Variants in TATDN1 observed in about 807,000 individuals in gnomAD.
The protein encoded by TATDN1 is TatD DNase domain containing 1.
In TATDN1, 40 loss-of-function variants were observed where a neutral mutation model predicts 46.4. The observed-to-expected ratio is 0.86, with a 90% CI of 0.67 to 1.12. The LOEUF (loss-of-function observed/expected upper bound fraction) is 1.12. TATDN1 is among the 50% of genes most tolerant of loss of function. The pLI is 0.00. For synonymous variants in TATDN1, 95 were observed against 105.6 expected (o/e 0.90, Z 0.62); for missense variants, 326 against 348.4 (o/e 0.94, Z 0.51).
At chr8:124,492,262 A>G (rs1817073191) in intron 11 of TATDN1, among the ~76,000 whole-genome samples, 1 of 152,210 alleles carries the variant, frequency 6.6e-6, no homozygotes, top group Non-Finnish European at 1.5e-5. Flanking sequence ...GATGTGAGCC[A>G]CCATGCCTGG....
At chr8:124,507,954 T>C (rs1030537412) in intron 8 of TATDN1, among the ~76,000 whole-genome samples, 2 of 152,228 alleles carry the variant, frequency 1.3e-5, no homozygotes, top group East Asian at 1.9e-4. Context: ...TAAATTTACA[T>C]GTCTTTCAAA....
intron 1 of TATDN1, among the ~76,000 whole-genome samples, chr8:124,526,003 T>C (rs1195840591): frequency 6.6e-6 from 1 of 152,234 alleles, no homozygotes; most frequent in Non-Finnish European, 1.5e-5. Context: ...CACTCCCCTT[T>C]GAGCTACATA....
In TATDN1 at chr8:124,508,517, G is replaced by A; in HGVS notation, c.476-3C>T. 2 of 1,612,682 alleles carry A rather than the reference G, an allele frequency of 1.2e-6. No individual in the cohort carries two copies. Among genetic ancestry groups the A allele is most frequent in the African/African-American group, 1.3e-5 (1 of 74,978 alleles). On this transcript the variant is annotated splice_polypyrimidine_tract_variant and splice_region_variant and intron_variant, in intron 7 of 11. Coordinates refer to ENST00000276692, the MANE Select transcript of TATDN1 (RefSeq NM_032026.4). ...ATCTCTATTTCTTTTCATTATGTCT[G>A]TGAATTAAAAACAAAGAACTTTTAG...
chr8:124,495,265 A>C (rs1336377521), intron 10 of TATDN1: 1 of 559,716 alleles, frequency 1.8e-6, no homozygotes, highest in East Asian at 3.1e-5. Context: ...GCTTAGACAT[A>C]GCAAACTTCT....
In TATDN1 at chr8:124,522,944, C is replaced by T. The variant is rs770607373; in HGVS notation, c.81G>A (p.Lys27=). Residue 27 remains lysine, a synonymous_variant, in exon 2 of 12, where the codon AAG becomes AAA. Coordinates refer to ENST00000276692, the MANE Select transcript of TATDN1 (RefSeq NM_032026.4). ...AATAAAGGAAATATTTACCTTGATG[C>T]TTTTGAACCCCCCTATAAATTCCTC... ...MFRGIYRGVQ[K]HQDDLQDVIG... 8.1e-6 allele frequency: 13 copies of T among 1,612,838 alleles called. No individual in the cohort carries two copies. The highest frequency in any genetic ancestry group is 1.1e-5 in the Non-Finnish European group (13 of 1,179,356).
intron 1 of TATDN1, 116 bp downstream of exon 1, chr8:124,538,909 C>T: frequency 8.1e-7 from 1 of 1,228,348 alleles, no homozygotes; most frequent in Non-Finnish European, 1.2e-6. Flanking sequence ...CTCCACTGAG[C>T]GGCCCTTTCA....
chr8:124,519,249 C>G (rs977714488), intron 3 of TATDN1, among the ~76,000 whole-genome samples: 1 of 152,178 alleles, frequency 6.6e-6, no homozygotes, highest in Non-Finnish European at 1.5e-5. Flanking sequence ...CAACAGTTCT[C>G]CAGGTGTAGT....
intron 1 of TATDN1, among the ~76,000 whole-genome samples, chr8:124,536,609 G>GA (rs1177160312): frequency 2.6e-5 from 4 of 152,166 alleles, no homozygotes; most frequent in African/African-American, 9.7e-5. Flanking sequence ...TATGCAAGTA[G>GA]AAAAGAGAGA....
intron 1 of TATDN1, among the ~76,000 whole-genome samples, chr8:124,533,182 G>A (rs1254794859): frequency 3.9e-5 from 6 of 152,012 alleles, no homozygotes; most frequent in Admixed American, 3.9e-4. Flanking sequence ...AATCCGGGAG[G>A]TGGAGCTTGC....
intron 6 of TATDN1, among the ~76,000 whole-genome samples, chr8:124,509,421 C>A (rs1297732790): frequency 6.6e-6 from 1 of 152,200 alleles, no homozygotes; most frequent in Non-Finnish European, 1.5e-5. Flanking sequence ...AAGCTTCCTT[C>A]TGGTCCCGGA....
At chr8:124,524,415 T>C (rs1820307188) in intron 1 of TATDN1, among the ~76,000 whole-genome samples, 1 of 152,130 alleles carries the variant, frequency 6.6e-6, no homozygotes, top group South Asian at 2.1e-4. Flanking sequence ...AGAATTACTA[T>C]CTAGTTTCTT....
chr8:124,493,681 A>G, intron 11 of TATDN1, 152 bp downstream of exon 11: 1 of 795,582 alleles, frequency 1.3e-6, no homozygotes, highest in Non-Finnish European at 1.9e-6. Flanking sequence ...AGGTATGCAA[A>G]TTCCTCCAAA....
At position 124,521,114 on chromosome 8, in the gene TATDN1, A is replaced by C. The variant is rs115127650; in HGVS notation, c.138+1037T>G. On this transcript the variant is annotated intron_variant, in intron 3 of 11. Transcript: ENST00000276692. The stretch of plus-strand genomic sequence containing the variant: ...TTAATTAAGTACTATTATCATTCTC[A>C]TTTTACAGATGAGAAAACTGAAGTC... Among the ~76,000 whole-genome samples, 873 of 152,272 alleles carry C rather than the reference A, an allele frequency of 5.7e-3. 8 individuals carry two copies. The highest frequency in any genetic ancestry group is 0.02 in the African/African-American group (843 of 41,558).
chr8:124,490,434 T>TGGG (rs766750980), intron 11 of TATDN1, among the ~76,000 whole-genome samples: 13 of 152,044 alleles, frequency 8.6e-5, no homozygotes, highest in Non-Finnish European at 1.9e-4. Flanking sequence ...TGCTTGAACC[T>TGGG]GGGAGGTGGA....
At chr8:124,500,384 T>C (rs1166599418) in intron 9 of TATDN1, among the ~76,000 whole-genome samples, 1 of 152,174 alleles carries the variant, frequency 6.6e-6, no homozygotes, top group Non-Finnish European at 1.5e-5. Flanking sequence ...TAAACTAACA[T>C]CCTAATGAAC....
In TATDN1 at chr8:124,495,559, T is replaced by G. The variant is rs573971211; in HGVS notation, c.594-17A>C. The G allele has an allele frequency of 1.3e-6, 2 of 1,574,416 alleles. No homozygotes were observed. The highest frequency in any genetic ancestry group is 1.7e-6 in the Non-Finnish European group (2 of 1,159,006). On this transcript the variant is annotated splice_polypyrimidine_tract_variant and intron_variant, in intron 9 of 11. Coordinates refer to ENST00000276692, the MANE Select transcript of TATDN1 (RefSeq NM_032026.4). ...TTCAGTGAGCTTAAAAAAAAGTGTATATTTATTTTAAAAGGCAGCAATTAA... is the reference window on the plus strand; with the variant it reads ...TTCAGTGAGCTTAAAAAAAAGTGTAGATTTATTTTAAAAGGCAGCAATTAA...
intron 9 of TATDN1, among the ~76,000 whole-genome samples, chr8:124,502,400 G>A (rs892109397): frequency 2.6e-5 from 4 of 151,226 alleles, no homozygotes; most frequent in African/African-American, 9.7e-5. Flanking sequence ...AGGCTAACTT[G>A]TAAGAGGAAG....
intron 1 of TATDN1, among the ~76,000 whole-genome samples, chr8:124,527,765 C>T (rs191716766): frequency 2.2e-3 from 330 of 151,756 alleles, no homozygotes; most frequent in Non-Finnish European, 3.4e-3. Flanking sequence ...TTTATTTTGT[C>T]CCATGTCATT....
At chr8:124,494,908 G>C (rs1398047555) in intron 10 of TATDN1, 1 of 152,580 alleles carries the variant, frequency 6.6e-6, no homozygotes, top group Admixed American at 6.5e-5. Context: ...TTTTAGTAGA[G>C]ATGTGGTTTC....
Sources: allele counts gnomAD v4.1 joint callset (sites outside exome capture counted in the v4.1 genomes callset), GRCh38; gene constraint gnomAD v4.1.1; transcripts MANE v1.5; gene names NCBI Gene and HGNC (gene_info 2026-07-23, HGNC 2026-07-21).